Variants in GMDS observed in about 807,000 individuals in gnomAD.
The protein encoded by GMDS is GDP-mannose 4,6-dehydratase.
GMDS carries 20 observed loss-of-function variants against 49.9 expected under a neutral mutation model. The ratio of observed to expected loss-of-function variants is 0.40; its 90% CI spans 0.28 to 0.58. GMDS has a LOEUF of 0.58. Among genes scored for constraint, GMDS ranks in the 20% least tolerant of loss-of-function variants. The pLI is 0.42. For synonymous variants in GMDS, 177 were observed against 178.6 expected, an observed-to-expected ratio of 0.99 and a Z score of 0.07; for missense variants, 362 against 481.4, an observed-to-expected ratio of 0.75 and a Z score of 2.32.
chr6:1,954,359 G>A (rs1465798499), intron 6 of GMDS, among the ~76,000 whole-genome samples: 1 of 152,238 alleles, frequency 6.6e-6, no homozygotes, highest in Non-Finnish European at 1.5e-5. Flanking sequence ...GGTTGCTAAA[G>A]GCTGGAGCGG....
chr6:2,226,010 A>G (rs1780797811), intron 1 of GMDS, among the ~76,000 whole-genome samples: 1 of 152,170 alleles, frequency 6.6e-6, no homozygotes, highest in Admixed American at 6.5e-5. Context: ...TAACCTAAGA[A>G]AAGAAAAAAA....
Position 1,730,652 on chromosome 6 carries a change from A to C in GMDS, c.891-4140T>G, listed in dbSNP as rs560084034. ...CGATGAATACTGAGGCCCACCACAC[A>C]GCTCTCTGTGGGCTGACAGTCAGGC... On this transcript the variant is annotated intron_variant, in intron 8 of 10. Coordinates refer to ENST00000380815, the MANE Select transcript of GMDS (RefSeq NM_001500.4). Among the ~76,000 whole-genome samples the C allele has an allele frequency of 6.6e-5, 10 of 152,218 alleles. 1 individual carries two copies. In the South Asian group the frequency reaches 2.1e-3, roughly 32 times the overall value.
At chr6:1,841,122 A>G (rs1275410744) in intron 7 of GMDS, among the ~76,000 whole-genome samples, 1 of 152,176 alleles carries the variant, frequency 6.6e-6, no homozygotes, top group Non-Finnish European at 1.5e-5. Flanking sequence ...AATGTTTTAT[A>G]GTGATATAAA....
At chr6:1,819,133 G>A (rs1770786608) in intron 7 of GMDS, among the ~76,000 whole-genome samples, 1 of 151,918 alleles carries the variant, frequency 6.6e-6, no homozygotes, top group Admixed American at 6.6e-5. Flanking sequence ...TAATACAAAT[G>A]AGTCTACATT....
chr6:1,683,595 C>T (rs1262021716), intron 9 of GMDS, among the ~76,000 whole-genome samples: 1 of 152,204 alleles, frequency 6.6e-6, no homozygotes, highest in African/African-American at 2.4e-5. Context: ...CCACTGCCCT[C>T]ATGGCTTTCA....
At chr6:1,750,417 T>C (rs1208243077) in intron 7 of GMDS, among the ~76,000 whole-genome samples, 3 of 152,116 alleles carry the variant, frequency 2.0e-5, no homozygotes, top group Non-Finnish European at 4.4e-5. Context: ...AGACAGTGGG[T>C]GCAGCCCATG....
intron 7 of GMDS, among the ~76,000 whole-genome samples, chr6:1,866,174 G>A (rs1264606664): frequency 2.6e-5 from 4 of 152,186 alleles, no homozygotes; most frequent in Non-Finnish European, 5.9e-5. Flanking sequence ...GCATTTTTGA[G>A]AGTGCAGTTA....
At position 1,852,205 on chromosome 6, in the gene GMDS, A is replaced by G. The variant is rs79074444; in HGVS notation, c.771+77898T>C. Among the ~76,000 whole-genome samples, 1,098 of 152,320 alleles carry G rather than the reference A, an allele frequency of 7.2e-3. 13 individuals are homozygous for G. The highest frequency in any genetic ancestry group is 0.025 in the African/African-American group (1,031 of 41,556). On this transcript the variant is annotated intron_variant, in intron 7 of 10. Coordinates refer to ENST00000380815, the MANE Select transcript of GMDS (RefSeq NM_001500.4). ...GTGCAGTAGCAGCAGATGAAAACTC[A>G]GCGGGGCATTACGCAGTTCCCTCAA... is the stretch of plus-strand genomic sequence containing the variant.
chr6:1,873,128 G>A (rs1392806018), intron 7 of GMDS, among the ~76,000 whole-genome samples: 7 of 152,350 alleles, frequency 4.6e-5, no homozygotes, highest in East Asian at 1.9e-4. Context: ...TAAAGGCAAC[G>A]TGAAGCTATT....
chr6:1,929,146 C>A (rs115564618), intron 7 of GMDS, among the ~76,000 whole-genome samples: 1 of 152,180 alleles, frequency 6.6e-6, no homozygotes, highest in Non-Finnish European at 1.5e-5. Flanking sequence ...CTCATCTCTG[C>A]ACTAGCAAAC....
At chr6:1,985,010 G>C (rs566825699) in intron 4 of GMDS, among the ~76,000 whole-genome samples, 1 of 152,320 alleles carries the variant, frequency 6.6e-6, no homozygotes, top group Admixed American at 6.5e-5. Flanking sequence ...AAAGCACCTA[G>C]TGAAGAGGGA....
chr6:1,715,632 C>G (rs948777566), intron 9 of GMDS, among the ~76,000 whole-genome samples: 3 of 152,136 alleles, frequency 2.0e-5, no homozygotes, highest in African/African-American at 7.2e-5. Flanking sequence ...CTATTGAGAT[C>G]AGTGGGAAAA....
At chr6:2,146,033 C>T (rs1026616984) in intron 1 of GMDS, among the ~76,000 whole-genome samples, 6 of 152,148 alleles carry the variant, frequency 3.9e-5, no homozygotes, top group Non-Finnish European at 8.8e-5. Context: ...ACATAAGTCA[C>T]CAGTAATCAC....
intron 4 of GMDS, among the ~76,000 whole-genome samples, chr6:2,048,644 T>A (rs1770173859): frequency 1.3e-5 from 2 of 152,292 alleles, no homozygotes; most frequent in African/African-American, 4.8e-5. Context: ...TGATATTGAG[T>A]CTTCCCACTG....
At chr6:1,874,554 GA>G (rs1455937298) in intron 7 of GMDS, among the ~76,000 whole-genome samples, 4 of 152,118 alleles carry the variant, frequency 2.6e-5, no homozygotes, top group African/African-American at 9.7e-5. Context: ...TTCAAAACAA[GA>G]GATAAAAATG....
intron 4 of GMDS, among the ~76,000 whole-genome samples, chr6:1,991,710 T>C (rs544271718): frequency 9.4e-4 from 143 of 152,318 alleles, no homozygotes; most frequent in African/African-American, 3.2e-3. Flanking sequence ...TAGTGTGGGA[T>C]TGAACAGTGT....
Position 2,061,458 on chromosome 6 carries a change from C to CGTTA in GMDS, c.345+54312_345+54313insTAAC, listed in dbSNP as rs1771157067. 4.6e-5 allele frequency among the ~76,000 whole-genome samples: 7 copies of CGTTA among 152,020 alleles called. No homozygotes were observed. In the South Asian group the frequency reaches 1.5e-3, roughly 32 times the overall value. On this transcript the variant is annotated intron_variant, in intron 4 of 10. Coordinates refer to ENST00000380815, the MANE Select transcript of GMDS (RefSeq NM_001500.4). ...TGGGCCAGGCATGGTGGCTCATGCC[C>CGTTA]GTAATCCCAACACTTTGGGAGGTTG...
chr6:1,953,398 G>A (rs889501583), intron 6 of GMDS, among the ~76,000 whole-genome samples: 1 of 152,154 alleles, frequency 6.6e-6, no homozygotes, highest in African/African-American at 2.4e-5. Flanking sequence ...GGAAATCAGG[G>A]ATAATCTAAT....
chr6:2,196,708 G>C (rs967168313), intron 1 of GMDS, among the ~76,000 whole-genome samples: 2 of 152,020 alleles, frequency 1.3e-5, no homozygotes, highest in Admixed American at 1.3e-4. Flanking sequence ...CAGAGATGTT[G>C]GTTAAAAAAC....
Sources: allele counts gnomAD v4.1 joint callset (sites outside exome capture counted in the v4.1 genomes callset), GRCh38; gene constraint gnomAD v4.1.1; transcripts MANE v1.5; gene names NCBI Gene and HGNC (gene_info 2026-07-23, HGNC 2026-07-21).